Variants in TTLL5 observed in about 807,000 individuals in gnomAD.
The protein encoded by TTLL5 is tubulin polyglutamylase TTLL5.
TTLL5 carries 132 observed loss-of-function variants against 168.4 expected under a neutral mutation model. That is an observed-to-expected ratio of 0.78 (90% confidence interval 0.68 to 0.91). The LOEUF (loss-of-function observed/expected upper bound fraction) is 0.91, where lower values mean the gene tolerates loss of function less well. TTLL5 is among the 40% of genes least tolerant of loss of function. The pLI is 0.00. For missense variants in TTLL5, 1,545 were observed against 1,581.5 expected (o/e 0.98, Z 0.39); for synonymous variants, 546 against 558.6 (o/e 0.98, Z 0.32).
At chr14:75,727,734 C>T in intron 12 of TTLL5, 1 of 394,688 alleles carries the variant, frequency 2.5e-6, no homozygotes, top group Non-Finnish European at 5.1e-6. Flanking sequence ...ACCTCAGAAA[C>T]ATGGTAGATG....
intron 28 of TTLL5, among the ~76,000 whole-genome samples, chr14:75,857,752 A>G (rs1398556820): frequency 6.6e-6 from 1 of 151,852 alleles, no homozygotes; most frequent in Non-Finnish European, 1.5e-5. Flanking sequence ...CCCAGGTTCA[A>G]GCGATTCTCC....
intron 30 of TTLL5, among the ~76,000 whole-genome samples, chr14:75,893,836 A>G (rs1566649171): frequency 3.4e-5 from 2 of 58,146 alleles, no homozygotes; most frequent in African/African-American, 1.7e-4. Flanking sequence ...AAAAAAAAAA[A>G]AAAATAGTGA....
At chr14:75,896,124 C>G (rs946680661) in intron 30 of TTLL5, among the ~76,000 whole-genome samples, 6 of 152,138 alleles carry the variant, frequency 3.9e-5, no homozygotes, top group African/African-American at 1.2e-4. Context: ...GAACCTGACC[C>G]TAATTAATAA....
intron 21 of TTLL5, 90 bp downstream of exon 21, chr14:75,771,944 C>T (rs546550697): frequency 1.6e-4 from 229 of 1,401,868 alleles, no homozygotes; most frequent in Non-Finnish European, 2.0e-4. Context: ...GGGTAAAGTG[C>T]GATATTTTTC....
chr14:75,928,714 A>T (rs1234781560), intron 31 of TTLL5, among the ~76,000 whole-genome samples: 1 of 152,096 alleles, frequency 6.6e-6, no homozygotes, highest in African/African-American at 2.4e-5. Flanking sequence ...GCAGGGCACA[A>T]GGAAAGCCTC....
At chr14:75,848,774 C>T (rs764393264) in intron 28 of TTLL5, among the ~76,000 whole-genome samples, 4 of 152,216 alleles carry the variant, frequency 2.6e-5, no homozygotes, top group Non-Finnish European at 4.4e-5. Flanking sequence ...ATCTCCATAA[C>T]CAGCTCACTG....
At chr14:75,915,740 A>C (rs2033592912) in intron 31 of TTLL5, among the ~76,000 whole-genome samples, 1 of 152,244 alleles carries the variant, frequency 6.6e-6, no homozygotes, top group Non-Finnish European at 1.5e-5. Context: ...TAGGCACATG[A>C]AAAGATGCTC....
At chr14:75,805,375 G>T (rs1893589653) in intron 27 of TTLL5, among the ~76,000 whole-genome samples, 1 of 152,182 alleles carries the variant, frequency 6.6e-6, no homozygotes, top group African/African-American at 2.4e-5. Flanking sequence ...TCATAGCAGA[G>T]TGGCTCTGGT....
intron 29 of TTLL5, 33 bp downstream of exon 29, chr14:75,863,895 A>G (rs1343637385): frequency 2.8e-6 from 1 of 363,456 alleles, no homozygotes. Context: ...CATGTGTTAT[A>G]TCTTCCTGCT....
chr14:75,852,028 T>C (rs1271987233), intron 28 of TTLL5, among the ~76,000 whole-genome samples: 13 of 152,228 alleles, frequency 8.5e-5, no homozygotes, highest in Admixed American at 8.5e-4. Context: ...ACATGTAATT[T>C]TTAGACCAAC....
Position 75,914,033 on chromosome 14 carries a change from A to AAAAATATATATAT in TTLL5, c.3823+11810_3823+11811insAAATATATATATA. Among the ~76,000 whole-genome samples, 9 of 71,094 alleles carry AAAAATATATATAT rather than the reference A, an allele frequency of 1.3e-4. 1 individual carries two copies. The highest frequency in any genetic ancestry group is 1.2e-3 in the African/African-American group (8 of 6,452). 46.6% of individuals were successfully genotyped at this position (71,094 alleles called of 152,430 possible). ...GTTTAAAAGGAAAAAAAAAAAAAAA[A>AAAAATATATATAT]ATATATATATATATATATATATTTT... On this transcript the variant is annotated intron_variant, in intron 31 of 31. Transcript: ENST00000298832.
At chr14:75,668,190 A>G (rs1883439705) in intron 2 of TTLL5, among the ~76,000 whole-genome samples, 2 of 152,160 alleles carry the variant, frequency 1.3e-5, no homozygotes, top group African/African-American at 4.8e-5. Flanking sequence ...AGTGGATTGT[A>G]TTGCATTTAA....
At chr14:75,870,797 G>GT (rs551516323) in intron 29 of TTLL5, among the ~76,000 whole-genome samples, 2,115 of 138,904 alleles carry the variant, frequency 0.015, 18 homozygotes, top group African/African-American at 0.033. Flanking sequence ...GCTTGCTTTG[G>GT]TTTTTTTTTT....
chr14:75,808,574 T>C (rs1893789303), intron 27 of TTLL5, among the ~76,000 whole-genome samples: 1 of 152,220 alleles, frequency 6.6e-6, no homozygotes, highest in South Asian at 2.1e-4. Flanking sequence ...AATCTTGTAA[T>C]TGGTGCAGAT....
At chr14:75,717,997 T>A in intron 10 of TTLL5, 35 bp downstream of exon 10, 1 of 1,594,390 alleles carries the variant, frequency 6.3e-7, no homozygotes, top group Non-Finnish European at 8.6e-7. Context: ...GTCAGAGGTG[T>A]CAGTCTCAGA....
At chr14:75,861,872 AT>A (rs1478504305) in intron 28 of TTLL5, among the ~76,000 whole-genome samples, 1 of 152,218 alleles carries the variant, frequency 6.6e-6, no homozygotes, top group Admixed American at 6.5e-5. Context: ...AAAATTTACC[AT>A]TTTAACCATT....
intron 3 of TTLL5, among the ~76,000 whole-genome samples, chr14:75,679,569 T>A (rs1267988107): frequency 2.0e-5 from 3 of 152,240 alleles, no homozygotes; most frequent in Non-Finnish European, 4.4e-5. Flanking sequence ...CTTGTAAGTG[T>A]GGATACATGG....
intron 5 of TTLL5, among the ~76,000 whole-genome samples, chr14:75,685,589 G>A (rs971523328): frequency 1.3e-5 from 2 of 152,112 alleles, no homozygotes; most frequent in Non-Finnish European, 2.9e-5. Context: ...GTAGGAGAGT[G>A]CATTCTTTTT....
At chr14:75,798,345 T>C (rs1893103283) in intron 27 of TTLL5, among the ~76,000 whole-genome samples, 1 of 152,040 alleles carries the variant, frequency 6.6e-6, no homozygotes, top group Non-Finnish European at 1.5e-5. Context: ...CTTTTCTTCT[T>C]CTCTTCTAAT....
Sources: allele counts gnomAD v4.1 joint callset (sites outside exome capture counted in the v4.1 genomes callset), GRCh38; gene constraint gnomAD v4.1.1; transcripts MANE v1.5; gene names NCBI Gene and HGNC (gene_info 2026-07-23, HGNC 2026-07-21).